FCGR3A: variants seen among roughly 807,000 people sequenced by gnomAD.
FCGR3A encodes the protein Fc gamma receptor IIIa, also known as low affinity immunoglobulin gamma Fc region receptor III-A.
In FCGR3A, 13 loss-of-function variants were observed where a neutral mutation model predicts 24.1. The observed-to-expected ratio is 0.54, with a 90% CI of 0.35 to 0.86. FCGR3A has a LOEUF of 0.86. FCGR3A is among the 40% of genes least tolerant of loss of function. The pLI is 0.01. For missense variants in FCGR3A, 235 were observed against 298.0 expected, an observed-to-expected ratio of 0.79 and a Z score of 1.56; for synonymous variants, 93 against 112.2, an observed-to-expected ratio of 0.83 and a Z score of 1.08.
At chr1:161,550,086 C>G (rs537294345), upstream of FCGR3A, 5 of 576,666 alleles carry the variant, frequency 8.7e-6, no homozygotes, top group African/African-American at 1.9e-5. Flanking sequence ...GGATTTGGAT[C>G]CACCCAGCAC....
chr1:161,547,521 A>T (rs1385761368), intron 3 of FCGR3A, among the ~76,000 whole-genome samples: 1 of 152,318 alleles, frequency 6.6e-6, no homozygotes, highest in East Asian at 1.9e-4. Flanking sequence ...TCTGACGTCT[A>T]TATTCTGTTA....
At position 161,541,934 on chromosome 1, in the gene FCGR3A, T is replaced by C. The variant is rs376058552; in HGVS notation, c.*1078A>G. 5.3e-5 allele frequency: 8 copies of C among 152,200 alleles called. No homozygotes were observed. Among genetic ancestry groups the C allele is most frequent in the Non-Finnish European group, 2.9e-5 (2 of 67,996 alleles). The allele number at this position is 152,200 out of a possible 1,614,324, so 9.4% of individuals were successfully genotyped here. A position where few individuals can be genotyped will look rare whatever the true frequency, so the allele number is the denominator to read the frequency against. ...AATTGTCTTCTCCATCCCCACCTCATTGGAACTGACATGATGAAGGATTTG... is the reference window on the plus strand; with the variant it reads ...AATTGTCTTCTCCATCCCCACCTCACTGGAACTGACATGATGAAGGATTTG... On this transcript the variant is annotated 3_prime_UTR_variant, in exon 5 of 5. Coordinates refer to ENST00000443193, the MANE Select transcript of FCGR3A (RefSeq NM_000569.8).
In FCGR3A at chr1:161,548,631, C is replaced by A. The variant is rs1677583962; in HGVS notation, c.109G>T (p.Val37Leu). The A allele has an allele frequency of 1.2e-6, 2 of 1,613,808 alleles. No individual in the cohort carries two copies. Among genetic ancestry groups the A allele is most frequent in the Non-Finnish European group, 1.7e-6 (2 of 1,179,840 alleles). The stretch of plus-strand genomic sequence containing the variant: ...AGAGTCACACTGTCCTTCTCGAGCA[C>A]CCTGTACCATTGAGGCTCCAGGAAC... ...VVFLEPQWYRVLEKDSVTLKC... is the reference protein window; with the variant it reads ...VVFLEPQWYRLLEKDSVTLKC... The change falls in exon 3 of 5, where the codon GTG becomes TTG. Residue 37 changes from valine (V) to leucine (L), a missense_variant. By Grantham distance (32) the Val-to-Leu change is conservative. Coordinates refer to ENST00000443193, the MANE Select transcript of FCGR3A (RefSeq NM_000569.8).
chr1:161,549,052 C>T, intron 1 of FCGR3A, 21 bp from the exon 2 acceptor site: 2 of 1,580,642 alleles, frequency 1.3e-6, no homozygotes, highest in Non-Finnish European at 1.7e-6. Flanking sequence ...AAAGATAAAT[C>T]AAATATTGAG....
chr1:161,547,189 C>T (rs980518062), intron 3 of FCGR3A, among the ~76,000 whole-genome samples: 21 of 152,176 alleles, frequency 1.4e-4, no homozygotes, highest in Non-Finnish European at 2.6e-4. Flanking sequence ...TGTAGGTGGA[C>T]ATCTCTTACC....
intron 3 of FCGR3A, among the ~76,000 whole-genome samples, chr1:161,546,694 AG>A (rs1677417018): frequency 6.6e-6 from 1 of 151,974 alleles, no homozygotes; most frequent in Non-Finnish European, 1.5e-5. Context: ...TCATGAAGTC[AG>A]GAGATCAAGA....
At position 161,544,652 on chromosome 1, in the gene FCGR3A, G is replaced by A. The variant is rs376491870; in HGVS notation, c.577+49C>T. On this transcript the variant is annotated intron_variant, in intron 4 of 4. Transcript: ENST00000443193. ...ACTCAACTTCCCAGTGTGATTGCAG[G>A]TTCCACACACAGGCGTCCCTGGGCA... 3.4e-5 allele frequency: 54 copies of A among 1,595,774 alleles called. No individual in the cohort carries two copies. In the East Asian group the frequency reaches 1.2e-3, roughly 34 times the overall value.
At chr1:161,549,245 A>G (rs1378111433) in intron 1 of FCGR3A, among the ~76,000 whole-genome samples, 1 of 151,340 alleles carries the variant, frequency 6.6e-6, no homozygotes, top group South Asian at 2.1e-4. Flanking sequence ...CCTATTTTCA[A>G]CACTGCTCCC....
chr1:161,544,187 T>C (rs1677275750), intron 4 of FCGR3A, among the ~76,000 whole-genome samples: 1 of 151,752 alleles, frequency 6.6e-6, no homozygotes, highest in Non-Finnish European at 1.5e-5. Context: ...GCCCAATAAA[T>C]GTCAGCTTAT....
intron 4 of FCGR3A, 143 bp downstream of exon 4, chr1:161,544,558 C>A: frequency 9.7e-6 from 8 of 827,164 alleles, no homozygotes; most frequent in Middle Eastern, 3.8e-4. Context: ...CTTTTGGGGA[C>A]CTCCTGGTGA....
At chr1:161,544,658 C>T in intron 4 of FCGR3A, 43 bp downstream of exon 4, 3 of 1,599,696 alleles carry the variant, frequency 1.9e-6, no homozygotes, top group Non-Finnish European at 2.6e-6. Context: ...GCAGGTTCCA[C>T]ACACAGGCGT....
intron 3 of FCGR3A, among the ~76,000 whole-genome samples, chr1:161,547,673 A>T (rs1677487708): frequency 6.6e-6 from 1 of 152,236 alleles, no homozygotes; most frequent in Non-Finnish European, 1.5e-5. Flanking sequence ...GAAAGATATG[A>T]TGCTAGGCCA....
At position 161,544,693 on chromosome 1, in the gene FCGR3A, T is replaced by G. The variant is rs1677300293; in HGVS notation, c.577+8A>C. The stretch of plus-strand genomic sequence containing the variant: ...TCCCTGGGCATTCCAGGGTGGCACA[T>G]GTCTCACCTTGAGTGATGGTGATGT... On this transcript the variant is annotated splice_region_variant and intron_variant, in intron 4 of 4. Transcript: ENST00000443193. The G allele has an allele frequency of 4.3e-6, 7 of 1,611,064 alleles. No individual in the cohort carries two copies. In the South Asian group the frequency reaches 7.7e-5, roughly 18 times the overall value.
intron 4 of FCGR3A, among the ~76,000 whole-genome samples, chr1:161,543,900 G>T (rs185313765): frequency 3.3e-5 from 5 of 152,346 alleles, no homozygotes; most frequent in African/African-American, 1.2e-4. Flanking sequence ...TCTGATTCTG[G>T]AGGCTGGTGC....
upstream of FCGR3A, chr1:161,550,000 G>T (rs1677685629): frequency 7.7e-6 from 6 of 776,538 alleles, no homozygotes; most frequent in Admixed American, 1.2e-4. Flanking sequence ...AAGGTCTGTG[G>T]CTGAGCATCT....
chr1:161,547,430 A>T (rs1677473743), intron 3 of FCGR3A, among the ~76,000 whole-genome samples: 2 of 152,152 alleles, frequency 1.3e-5, no homozygotes, highest in South Asian at 4.1e-4. Flanking sequence ...GCAGGGCGAC[A>T]CTGCAGGGAC....
chr1:161,549,859 A>G (rs1677668759), upstream of FCGR3A: 1 of 1,611,654 alleles, frequency 6.2e-7, no homozygotes, highest in Non-Finnish European at 8.5e-7. Flanking sequence ...GTCACCCACC[A>G]ATTTCCTTTT....
chr1:161,548,540 A>G lies in FCGR3A; in HGVS notation c.200T>C (p.Ile67Thr), dbSNP rs370926518. Residue 67 changes from isoleucine to threonine, a missense_variant, in exon 3 of 5, where the codon ATC (isoleucine) becomes ACC (threonine). Transcript: ENST00000443193. ...GAAGTAGCTCGAGGCCTGGCTTGAGATGAGGCTCTCATTGTGAAACCACTG... is the reference window on the plus strand; with the variant it reads ...GAAGTAGCTCGAGGCCTGGCTTGAGGTGAGGCTCTCATTGTGAAACCACTG... ...STQWFHNESL[I>T]SSQASSYFID... 5.0e-6 allele frequency: 8 copies of G among 1,613,898 alleles called. No individual in the cohort carries two copies. The African/African-American group carries it at 9.3e-5, about 19-fold the overall frequency.
At chr1:161,550,110 G>A, upstream of FCGR3A, 1 of 541,628 alleles carries the variant, frequency 1.8e-6, no homozygotes, top group Non-Finnish European at 3.2e-6. Context: ...GAATGGGACA[G>A]TGAGACCCTG....
Sources: allele counts gnomAD v4.1 joint callset (sites outside exome capture counted in the v4.1 genomes callset), GRCh38; gene constraint gnomAD v4.1.1; transcripts MANE v1.5; gene names NCBI Gene and HGNC (gene_info 2026-07-23, HGNC 2026-07-21).